THSD7A: variants seen among roughly 807,000 people sequenced by gnomAD.
The protein encoded by THSD7A is thrombospondin type 1 domain containing 7A.
Under a neutral mutation model 231.3 loss-of-function variants are expected in THSD7A, and 96 were observed. The observed-to-expected ratio is 0.41, with a 90% CI of 0.35 to 0.49. The LOEUF (loss-of-function observed/expected upper bound fraction) is 0.49, where lower values mean the gene tolerates loss of function less well. THSD7A is among the 20% of genes least tolerant of loss of function. THSD7A has a pLI of 0.05. For synonymous variants in THSD7A, 940 were observed against 743.3 expected, an observed-to-expected ratio of 1.26 and a Z score of -4.30; for missense variants, 2,290 against 2,070.2, an observed-to-expected ratio of 1.11 and a Z score of -2.06.
chr7:11,785,938 C>T (rs1783775949), intron 1 of THSD7A, among the ~76,000 whole-genome samples: 1 of 152,058 alleles, frequency 6.6e-6, no homozygotes, highest in Non-Finnish European at 1.5e-5. Flanking sequence ...TATTTCTTTG[C>T]TCCCCCTATA....
intron 1 of THSD7A, among the ~76,000 whole-genome samples, chr7:11,752,594 A>G (rs897269922): frequency 1.3e-5 from 2 of 151,958 alleles, no homozygotes; most frequent in Admixed American, 1.3e-4. Flanking sequence ...AAATTTTAGT[A>G]CCTCTAGGGC....
intron 6 of THSD7A, among the ~76,000 whole-genome samples, chr7:11,511,289 C>A (rs1233863564): frequency 6.6e-6 from 1 of 152,100 alleles, no homozygotes; most frequent in Non-Finnish European, 1.5e-5. Flanking sequence ...AAAGAGGACA[C>A]AAACAAATGG....
intron 6 of THSD7A, among the ~76,000 whole-genome samples, chr7:11,494,668 C>A (rs1787028078): frequency 6.6e-6 from 1 of 151,916 alleles, no homozygotes; most frequent in South Asian, 2.1e-4. Context: ...AAAAAGAATT[C>A]TTTTCTCCTT....
chr7:11,785,288 A>T (rs1485970163), intron 1 of THSD7A, among the ~76,000 whole-genome samples: 2 of 152,002 alleles, frequency 1.3e-5, no homozygotes, highest in Non-Finnish European at 2.9e-5. Context: ...CAGTGCTATT[A>T]TTCATAGGCG....
intron 22 of THSD7A, among the ~76,000 whole-genome samples, chr7:11,404,623 T>G (rs1398361432): frequency 6.6e-6 from 1 of 152,224 alleles, no homozygotes; most frequent in Non-Finnish European, 1.5e-5. Flanking sequence ...GTGTGAGATC[T>G]TAAATGATAT....
chr7:11,612,152 T>A (rs567247403), intron 2 of THSD7A, among the ~76,000 whole-genome samples: 1 of 152,280 alleles, frequency 6.6e-6, no homozygotes, highest in South Asian at 2.1e-4. Flanking sequence ...GCACCCATGA[T>A]GACCCCATGC....
At chr7:11,777,827 G>A (rs1274282698) in intron 1 of THSD7A, among the ~76,000 whole-genome samples, 1 of 152,038 alleles carries the variant, frequency 6.6e-6, no homozygotes, top group Non-Finnish European at 1.5e-5. Context: ...ACACCATGGA[G>A]GCAGGCAAAA....
chr7:11,565,173 T>C (rs769497143), intron 4 of THSD7A, among the ~76,000 whole-genome samples: 1 of 152,192 alleles, frequency 6.6e-6, no homozygotes, highest in Non-Finnish European at 1.5e-5. Flanking sequence ...TAACTGATAC[T>C]GTAAATTAAA....
Position 11,492,770 on chromosome 7 carries a change from A to G in THSD7A, c.1823-10788T>C, listed in dbSNP as rs558142102. Among the ~76,000 whole-genome samples the G allele has an allele frequency of 5.3e-5, 8 of 152,230 alleles. No homozygotes were observed. In the South Asian group the frequency reaches 1.2e-3, roughly 24 times the overall value. On this transcript the variant is annotated intron_variant, in intron 6 of 27. Transcript: ENST00000423059. Reference sequence around the variant, plus strand: ...CAGAATCTAATCCAAAGAATTAATCATCACCATTAAACTTTTCCAAAACTT... The same window carrying G: ...CAGAATCTAATCCAAAGAATTAATCGTCACCATTAAACTTTTCCAAAACTT...
At chr7:11,786,006 G>A (rs1455761551) in intron 1 of THSD7A, among the ~76,000 whole-genome samples, 1 of 151,914 alleles carries the variant, frequency 6.6e-6, no homozygotes, top group Non-Finnish European at 1.5e-5. Context: ...TATCCGTTAT[G>A]GAATATCTCT....
intron 6 of THSD7A, among the ~76,000 whole-genome samples, chr7:11,496,833 G>A (rs1787122612): frequency 6.6e-6 from 1 of 152,128 alleles, no homozygotes; most frequent in Non-Finnish European, 1.5e-5. Context: ...AGCCAACCAA[G>A]GGTAGAACCA....
intron 1 of THSD7A, among the ~76,000 whole-genome samples, chr7:11,702,678 G>C (rs1266925051): frequency 2.0e-5 from 3 of 151,078 alleles, no homozygotes; most frequent in Non-Finnish European, 4.4e-5. Context: ...GGGAATCTTG[G>C]GGAGTCATTT....
At position 11,462,061 on chromosome 7, in the gene THSD7A, G is replaced by A. The variant is rs1174950334; in HGVS notation, c.2451C>T (p.Pro817=). Residue 817 remains proline (P), a synonymous_variant, in exon 10 of 28, where the codon CCC becomes CCT. Coordinates refer to ENST00000423059, the MANE Select transcript of THSD7A (RefSeq NM_015204.3). ...PANGGRDCTD[P]LYEEKACEAP... ...CCTCACAGGCCTTCTCTTCATAGAG[G>A]GGATCTGTGCAGTCTCGGCCCCCGT... 1 of 1,613,648 alleles carries A rather than the reference G, an allele frequency of 6.2e-7. No homozygotes were observed. Among genetic ancestry groups the A allele is most frequent in the African/African-American group, 1.3e-5 (1 of 74,904 alleles).
At chr7:11,683,456 T>C (rs151133031) in intron 1 of THSD7A, among the ~76,000 whole-genome samples, 5 of 151,460 alleles carry the variant, frequency 3.3e-5, no homozygotes, top group Admixed American at 6.6e-5. Context: ...TCTGAAAAGA[T>C]AAACAAGATC....
chr7:11,749,353 C>A (rs915982068), intron 1 of THSD7A, among the ~76,000 whole-genome samples: 12 of 151,886 alleles, frequency 7.9e-5, no homozygotes, highest in African/African-American at 2.2e-4. Flanking sequence ...ACATATCTCC[C>A]CCTTAATTCT....
At position 11,412,812 on chromosome 7, in the gene THSD7A, C is replaced by T. The variant is rs1173852811; in HGVS notation, c.3538-12G>A. ...CTTTGATTGCAAGGCTTAAAAAGAA[C>T]AGTACAAATTCTCAGAAAGGTGAAT... On this transcript the variant is annotated splice_polypyrimidine_tract_variant and intron_variant, in intron 17 of 27. Transcript: ENST00000423059. The T allele has an allele frequency of 1.9e-6, 3 of 1,606,726 alleles. No homozygotes were observed. The highest frequency in any genetic ancestry group is 2.6e-6 in the Non-Finnish European group (3 of 1,176,036).
intron 13 of THSD7A, among the ~76,000 whole-genome samples, chr7:11,430,243 CCAT>C (rs1436081215): frequency 6.6e-6 from 1 of 151,994 alleles, no homozygotes; most frequent in Non-Finnish European, 1.5e-5. Flanking sequence ...AAAAATAACC[CCAT>C]GTTTTGGTTT....
rs1785177636 is a variant in THSD7A at position 11,831,059 on chromosome 7, A to C, written c.190+698T>G. ...GTCACGGCCCCCGCCAGAAACTCCAAGCATTTTGCCAATGGGTAATGATGG... is the reference window on the plus strand; with the variant it reads ...GTCACGGCCCCCGCCAGAAACTCCACGCATTTTGCCAATGGGTAATGATGG... On this transcript the variant is annotated intron_variant, in intron 1 of 27. Coordinates refer to ENST00000423059, the MANE Select transcript of THSD7A (RefSeq NM_015204.3). This position sits in a 1 kb window ranked among gnomAD's most constrained non-coding sequence, Gnocchi z 5.0. Among the ~76,000 whole-genome samples the C allele has an allele frequency of 6.6e-6, 1 of 152,176 alleles. No homozygotes were observed. Among genetic ancestry groups the C allele is most frequent in the South Asian group, 2.1e-4 (1 of 4,830 alleles).
intron 1 of THSD7A, among the ~76,000 whole-genome samples, chr7:11,651,949 A>T (rs1185944138): frequency 6.6e-6 from 1 of 151,932 alleles, no homozygotes; most frequent in Non-Finnish European, 1.5e-5. Flanking sequence ...AATTGTAGAA[A>T]CCATCTTCTC....
Sources: gnomAD v4.1 joint callset for allele counts (sites outside exome capture counted in the v4.1 genomes callset) on GRCh38, gnomAD v4.1.1 for gene constraint, Gnocchi (gnomAD v3.1) non-coding constraint, MANE v1.5 for transcripts, NCBI Gene and HGNC (gene_info 2026-07-23, HGNC 2026-07-21) for gene names.